PLEKHA6: variants seen among roughly 807,000 people sequenced by gnomAD.
The protein encoded by PLEKHA6 is pleckstrin homology domain containing A6.
PLEKHA6 carries 60 observed loss-of-function variants against 116.7 expected under a neutral mutation model. The observed-to-expected ratio is 0.51, with a 90% CI of 0.42 to 0.64. PLEKHA6 has a LOEUF of 0.64. PLEKHA6 is among the 30% of genes least tolerant of loss of function. The probability of loss-of-function intolerance (pLI) is 0.00; values close to 1 mark genes in which losing one functional copy is unlikely to be tolerated. For missense variants in PLEKHA6, 1,338 were observed against 1,422.7 expected (o/e 0.94, Z 0.96); for synonymous variants, 489 against 556.1 (o/e 0.88, Z 1.70).
chr1:204,288,466 G>A (rs4525099), intron 1 of PLEKHA6, among the ~76,000 whole-genome samples: 1 of 152,232 alleles, frequency 6.6e-6, no homozygotes, highest in African/African-American at 2.4e-5. Context: ...GCTCTGGCAC[G>A]ATGCCCAATT....
At chr1:204,358,154 C>A (rs1275098829) in intron 1 of PLEKHA6, among the ~76,000 whole-genome samples, 1 of 152,206 alleles carries the variant, frequency 6.6e-6, no homozygotes, top group African/African-American at 2.4e-5. Context: ...ATCACCTCGC[C>A]GCTGATTGGA....
chr1:204,274,981 G>A, intron 1 of PLEKHA6, 172 bp from the exon 2 acceptor site: 1 of 870,992 alleles, frequency 1.1e-6, no homozygotes, highest in Non-Finnish European at 1.4e-6. Flanking sequence ...GGATGAGGGT[G>A]GGGGCGGGGT....
chr1:204,245,967 C>T (rs1204562957), intron 13 of PLEKHA6, among the ~76,000 whole-genome samples: 4 of 152,120 alleles, frequency 2.6e-5, no homozygotes, highest in African/African-American at 9.7e-5. Flanking sequence ...AGTTTCTGAA[C>T]CAAGACTGAG....
chr1:204,322,668 T>A (rs1672106714), intron 1 of PLEKHA6, among the ~76,000 whole-genome samples: 1 of 152,210 alleles, frequency 6.6e-6, no homozygotes, highest in African/African-American at 2.4e-5. Flanking sequence ...AGGCAGCAGA[T>A]AATGGGCCTC....
chr1:204,247,567 G>T (rs1377316631), intron 12 of PLEKHA6, 107 bp from the exon 13 acceptor site: 1 of 713,780 alleles, frequency 1.4e-6, no homozygotes, highest in East Asian at 2.8e-5. Flanking sequence ...AAAGATCTGG[G>T]GAAGAGGGCA....
rs775470738 is a variant in PLEKHA6 at position 204,241,802 on chromosome 1, A to T, written c.2185T>A (p.Tyr729Asn). 2 of 1,614,034 alleles carry T rather than the reference A, an allele frequency of 1.2e-6. No homozygotes were observed. The highest frequency in any genetic ancestry group is 2.2e-5 in the South Asian group (2 of 91,074). The change falls in exon 16 of 23, where the codon TAT becomes AAT. Residue 729 changes from tyrosine to asparagine, a missense_variant. By Grantham distance (143) the Tyr-to-Asn change is moderately radical (BLOSUM62 -2). Around this residue, in one of 3 missense-constraint regions of PLEKHA6, gnomAD observed 1,136 missense variants for 1,163.6 expected, o/e 0.98. Coordinates refer to ENST00000272203, the MANE Select transcript of PLEKHA6 (RefSeq NM_014935.5). ...KPGSNEPKAN[Y>N]EQSKKDPHQT... is the part of the protein sequence containing the mutation. Reference sequence around the variant, plus strand: ...TGGGGGTCTTTCTTGCTTTGTTCATAGTTTGCCTTGGGCTGGGGAGAAAGG... The same window carrying T: ...TGGGGGTCTTTCTTGCTTTGTTCATTGTTTGCCTTGGGCTGGGGAGAAAGG...
chr1:204,230,515 T>C lies in PLEKHA6; in HGVS notation c.2481A>G (p.Arg827=). 1 of 1,594,228 alleles carries C rather than the reference T, an allele frequency of 6.3e-7. No individual in the cohort carries two copies. Among genetic ancestry groups the C allele is most frequent in the Non-Finnish European group, 8.5e-7 (1 of 1,170,544 alleles). The change falls in exon 18 of 23, where the codon CGA becomes CGG. Residue 827 remains arginine, a synonymous_variant. Transcript: ENST00000272203. ...TGGAGCCACTCTGGTGCCGCCGCAT[T>C]CGGTCAATCTGCTCCTCCACGCTCA... ...VKMSVEEQID[R]MRRHQSGSMR...
At chr1:204,287,219 G>A (rs1669288015) in intron 1 of PLEKHA6, among the ~76,000 whole-genome samples, 1 of 151,356 alleles carries the variant, frequency 6.6e-6, no homozygotes, top group Non-Finnish European at 1.5e-5. Context: ...CTTCCTTTTT[G>A]GTGACAGTCT....
chr1:204,366,115 G>A (rs80199018), intron 3 of PLEKHA6, among the ~76,000 whole-genome samples: 2,695 of 152,332 alleles, frequency 0.018, 67 homozygotes, highest in Middle Eastern at 0.058. Flanking sequence ...GGACAGGTAC[G>A]TTTCTAGGGA....
chr1:204,280,607 G>A (rs771581098), intron 1 of PLEKHA6, among the ~76,000 whole-genome samples: 17 of 152,340 alleles, frequency 1.1e-4, no homozygotes, highest in Middle Eastern at 3.4e-3. Flanking sequence ...TGCAAGGCAA[G>A]TGGAAAGGGG....
Position 204,257,580 on chromosome 1 carries a change from A to G in PLEKHA6, c.1297T>C (p.Tyr433His), listed in dbSNP as rs150008580. The G allele has an allele frequency of 4.0e-5, 64 of 1,607,962 alleles. No homozygotes were observed. In the African/African-American group the frequency reaches 7.5e-4, roughly 19 times the overall value. ...WIPSPSRQPV[Y>H]YDELDAASSS... ...GAGGCGGCATCCAGCTCATCATAAT[A>G]GACTGGCTGCCGGGAGGGGCTTGGG... The change falls in exon 9 of 23, where the codon TAT becomes CAT. Residue 433 changes from tyrosine to histidine, a missense_variant. This residue lies in a region of PLEKHA6 where 1,136 missense variants were observed against 1,163.6 expected (regional missense o/e 0.98). Coordinates refer to ENST00000272203, the MANE Select transcript of PLEKHA6 (RefSeq NM_014935.5). This position sits in a 1 kb window ranked among gnomAD's most constrained non-coding sequence, Gnocchi z 6.5.
intron 1 of PLEKHA6, among the ~76,000 whole-genome samples, chr1:204,340,000 T>C (rs1394619485): frequency 6.6e-6 from 1 of 152,246 alleles, no homozygotes; most frequent in East Asian, 1.9e-4. Context: ...GGCATATCCT[T>C]TAACATTTGC....
chr1:204,304,774 T>C (rs1671127306), intron 1 of PLEKHA6, among the ~76,000 whole-genome samples: 1 of 152,178 alleles, frequency 6.6e-6, no homozygotes, highest in Non-Finnish European at 1.5e-5. Flanking sequence ...AAGAGAAAGA[T>C]CCTACGCTTT....
chr1:204,296,761 G>A (rs1670323689), intron 1 of PLEKHA6, among the ~76,000 whole-genome samples: 1 of 152,184 alleles, frequency 6.6e-6, no homozygotes, highest in Non-Finnish European at 1.5e-5. Context: ...AGTCAGGCAG[G>A]ATCAGAGAGA....
upstream of PLEKHA6, chr1:204,377,668 C>G (rs1558208144): frequency 6.6e-6 from 1 of 152,396 alleles, no homozygotes; most frequent in Non-Finnish European, 1.5e-5. Flanking sequence ...TCGGCCATCT[C>G]GGTGTCCCTG....
chr1:204,356,000 CAAA>C (rs199652785), intron 1 of PLEKHA6, among the ~76,000 whole-genome samples: 9 of 47,674 alleles, frequency 1.9e-4, no homozygotes, highest in East Asian at 2.9e-3. Context: ...CACACACACA[CAAA>C]AAAAATCCAT....
chr1:204,322,918 C>T (rs897496858), intron 1 of PLEKHA6, among the ~76,000 whole-genome samples: 1 of 152,200 alleles, frequency 6.6e-6, no homozygotes, highest in African/African-American at 2.4e-5. Context: ...AAGGTCTTCC[C>T]AACCTAAATC....
rs547871705 is a variant in PLEKHA6, at chr1:204,220,069, G to A, written c.*2719C>T. The A allele has an allele frequency of 3.9e-5, 6 of 152,374 alleles. No homozygotes were observed. The East Asian group carries it at 1.2e-3, about 29-fold the overall frequency. 9.4% of individuals were successfully genotyped at this position (152,374 alleles called of 1,614,324 possible). A position where few individuals can be genotyped will look rare whatever the true frequency, so the allele number is the denominator to read the frequency against. On this transcript the variant is annotated 3_prime_UTR_variant, in exon 23 of 23. Coordinates refer to ENST00000272203, the MANE Select transcript of PLEKHA6 (RefSeq NM_014935.5). The stretch of plus-strand genomic sequence containing the variant: ...TGTATGTGTCTGTGCTACAGGGCCA[G>A]GGATGGCCCAGAGGATCCCAAGCCG...
chr1:204,294,141 C>A (rs1202970641), intron 1 of PLEKHA6, among the ~76,000 whole-genome samples: 1 of 152,188 alleles, frequency 6.6e-6, no homozygotes, highest in African/African-American at 2.4e-5. Flanking sequence ...GCCAAACACC[C>A]TTCTCTCTCT....
Sources: allele counts gnomAD v4.1 joint callset (sites outside exome capture counted in the v4.1 genomes callset), GRCh38; gene constraint gnomAD v4.1.1; regional missense constraint gnomAD v4.1.1; non-coding constraint Gnocchi (gnomAD v3.1); transcripts MANE v1.5; gene names NCBI Gene and HGNC (gene_info 2026-07-23, HGNC 2026-07-21).